TNR: variants seen among roughly 807,000 people sequenced by gnomAD.
The protein encoded by TNR is tenascin R, also known as tenascin-R.
A neutral mutation model predicts 150.4 loss-of-function variants in TNR; 45 were observed. The observed-to-expected ratio is 0.30, with a 90% CI of 0.24 to 0.38. The LOEUF (loss-of-function observed/expected upper bound fraction) is 0.38. Among genes scored for constraint, TNR ranks in the 10% least tolerant of loss-of-function variants. The probability of loss-of-function intolerance (pLI) is 1.00; values close to 1 mark genes in which losing one functional copy is unlikely to be tolerated. For synonymous variants in TNR, 687 were observed against 678.4 expected (o/e 1.01, Z -0.20); for missense variants, 1,544 against 1,759.1 (o/e 0.88, Z 2.19).
At chr1:175,497,975 G>T (rs1002607857) in intron 2 of TNR, among the ~76,000 whole-genome samples, 2 of 152,092 alleles carry the variant, frequency 1.3e-5, no homozygotes, top group Admixed American at 6.5e-5. Context: ...CAGGAGGATC[G>T]CTTGAACTCA....
intron 1 of TNR, among the ~76,000 whole-genome samples, chr1:175,561,398 G>A (rs983903354): frequency 2.0e-5 from 3 of 152,110 alleles, no homozygotes; most frequent in Admixed American, 2.0e-4. Flanking sequence ...TACATAGATC[G>A]CCTTCCATGC....
At chr1:175,420,056 C>T (rs144810540) in intron 2 of TNR, among the ~76,000 whole-genome samples, 1,672 of 152,276 alleles carry the variant, frequency 0.011, 39 homozygotes, top group African/African-American at 0.039. Flanking sequence ...GCTGGCTGTG[C>T]CCCTTGGCTG....
intron 1 of TNR, among the ~76,000 whole-genome samples, chr1:175,678,233 G>A (rs987839563): frequency 2.6e-5 from 4 of 152,142 alleles, no homozygotes; most frequent in Non-Finnish European, 5.9e-5. Flanking sequence ...CATGGAAGGT[G>A]GGCTGGGGTG....
chr1:175,547,552 A>G (rs1265668769), intron 1 of TNR, among the ~76,000 whole-genome samples: 1 of 147,756 alleles, frequency 6.8e-6, no homozygotes. Flanking sequence ...CAAAGGAGAA[A>G]GAAAGATAGA....
intron 1 of TNR, among the ~76,000 whole-genome samples, chr1:175,624,325 G>A (rs1264999000): frequency 5.3e-5 from 8 of 152,142 alleles, no homozygotes; most frequent in Non-Finnish European, 1.0e-4. Context: ...CCCAATTCAT[G>A]TTATTCCTGG....
chr1:175,505,753 A>T (rs1204187864), intron 2 of TNR, among the ~76,000 whole-genome samples: 1 of 152,248 alleles, frequency 6.6e-6, no homozygotes, highest in Non-Finnish European at 1.5e-5. Flanking sequence ...AAGAAACGAC[A>T]GATAAGGCCG....
At chr1:175,557,297 G>A (rs2102205803) in intron 1 of TNR, among the ~76,000 whole-genome samples, 1 of 152,324 alleles carries the variant, frequency 6.6e-6, no homozygotes, top group South Asian at 2.1e-4. Context: ...ACCCACGGAA[G>A]TGGTATGATA....
At chr1:175,708,472 G>A (rs554401301) in intron 1 of TNR, among the ~76,000 whole-genome samples, 6 of 152,334 alleles carry the variant, frequency 3.9e-5, no homozygotes, top group African/African-American at 1.4e-4. Context: ...TCTGTACCAT[G>A]CAAGAGTATA....
intron 1 of TNR, among the ~76,000 whole-genome samples, chr1:175,702,961 A>G (rs1366903021): frequency 2.0e-5 from 3 of 152,184 alleles, no homozygotes; most frequent in African/African-American, 7.2e-5. Context: ...TAGTAATCCA[A>G]AATATCCATC....
At chr1:175,672,958 C>A (rs546997749) in intron 1 of TNR, among the ~76,000 whole-genome samples, 23 of 152,180 alleles carry the variant, frequency 1.5e-4, no homozygotes, top group Non-Finnish European at 2.9e-4. Flanking sequence ...AAATGCCCTG[C>A]CACAGCGCTG....
At chr1:175,362,326 C>T (rs1651635901) in intron 14 of TNR, among the ~76,000 whole-genome samples, 1 of 152,152 alleles carries the variant, frequency 6.6e-6, no homozygotes, top group East Asian at 1.9e-4. Context: ...GTGAAATTTT[C>T]TCATCTGAGT....
chr1:175,363,745 A>G lies in TNR; in HGVS notation c.2670T>C (p.Ser890=), dbSNP rs753512162. The stretch of plus-strand genomic sequence containing the variant: ...GATATGATACTCGGTAGTAATCGAA[A>G]GATGCAACAGGAGGGCTCCAGGAGA... ...VMVSWSPPVA[S]FDYYRVSYRP... is the part of the protein sequence containing the mutation. The change falls in exon 13 of 23, where the codon TCT becomes TCC. Residue 890 remains serine, a synonymous_variant. Transcript: ENST00000367674. 4 of 1,613,870 alleles carry G rather than the reference A, an allele frequency of 2.5e-6. No homozygotes were observed. Among genetic ancestry groups the G allele is most frequent in the African/African-American group, 1.3e-5 (1 of 74,928 alleles).
In TNR at chr1:175,403,593, A is replaced by G; in HGVS notation, c.523T>C (p.Cys175Arg). 6.2e-7 allele frequency: 1 copy of G among 1,613,690 alleles called. No individual in the cohort carries two copies. The change falls in exon 4 of 23, where the codon TGC becomes CGC. Residue 175 changes from cysteine (C) to arginine (R), a missense_variant. Cys to Arg is a radical substitution (Grantham distance 180). This residue lies in a region of TNR where 1,254 missense variants were observed against 1,329.4 expected (regional missense o/e 0.94). Coordinates refer to ENST00000367674, the MANE Select transcript of TNR (RefSeq NM_003285.3). ...AAGCTAAAGTTGCCGTGGCCACTGCAGTGAGGGATATAGTCCAGTTGTCCT... is the reference window on the plus strand; with the variant it reads ...AAGCTAAAGTTGCCGTGGCCACTGCGGTGAGGGATATAGTCCAGTTGTCCT... ...ATGQLDYIPH[C>R]SGHGNFSFES...
At chr1:175,545,158 A>C (rs1660637283) in intron 1 of TNR, among the ~76,000 whole-genome samples, 1 of 152,238 alleles carries the variant, frequency 6.6e-6, no homozygotes, top group Admixed American at 6.5e-5. Flanking sequence ...GCTACAACCA[A>C]AAAAAGAATA....
chr1:175,395,889 A>AT (rs1179327594), intron 5 of TNR, among the ~76,000 whole-genome samples: 1 of 152,204 alleles, frequency 6.6e-6, no homozygotes, highest in East Asian at 1.9e-4. Context: ...CCCTTTATGT[A>AT]TAAAAAAAAC....
At chr1:175,648,874 C>G (rs886487261) in intron 1 of TNR, among the ~76,000 whole-genome samples, 1 of 152,198 alleles carries the variant, frequency 6.6e-6, no homozygotes, top group South Asian at 2.1e-4. Flanking sequence ...ATCTCCCGGA[C>G]GTCCACCACC....
intron 15 of TNR, among the ~76,000 whole-genome samples, chr1:175,357,667 C>T (rs562270977): frequency 6.6e-6 from 1 of 152,210 alleles, no homozygotes; most frequent in South Asian, 2.1e-4. Context: ...TTCACTTTAT[C>T]TAAGACTTTT....
chr1:175,447,366 A>T (rs1421468087), intron 2 of TNR, among the ~76,000 whole-genome samples: 1 of 152,014 alleles, frequency 6.6e-6, no homozygotes, highest in African/African-American at 2.4e-5. Context: ...CTCTGATTTT[A>T]TTCCTGCTCT....
At chr1:175,423,841 G>C (rs184876718) in intron 2 of TNR, among the ~76,000 whole-genome samples, 1 of 152,132 alleles carries the variant, frequency 6.6e-6, no homozygotes, top group African/African-American at 2.4e-5. Context: ...AGCACTACTA[G>C]GGTCAGAGCC....
Sources: allele counts gnomAD v4.1 joint callset (sites outside exome capture counted in the v4.1 genomes callset), GRCh38; gene constraint gnomAD v4.1.1; regional missense constraint gnomAD v4.1.1; transcripts MANE v1.5; gene names NCBI Gene and HGNC (gene_info 2026-07-23, HGNC 2026-07-21).